ZNF655: variants seen among roughly 807,000 people sequenced by gnomAD.
The protein encoded by ZNF655 is zinc finger protein 655, also known as Vav-interacting Kruppel-like protein 1.
In ZNF655, 3 loss-of-function variants were observed where a neutral mutation model predicts 6.6. The ratio of observed to expected loss-of-function variants is 0.46; its 90% CI spans 0.21 to 1.18. The LOEUF (loss-of-function observed/expected upper bound fraction) is 1.18. Among genes scored for constraint, ZNF655 ranks in the 50% most tolerant of loss-of-function variants. ZNF655 has a pLI of 0.24. For missense variants in ZNF655, 526 were observed against 572.3 expected (o/e 0.92, Z 0.83); for synonymous variants, 178 against 195.0 (o/e 0.91, Z 0.73).
Position 99,563,475 on chromosome 7 carries a change from C to A in ZNF655, c.136+2780C>A, listed in dbSNP as rs183946280. ...CTGGGATTACAGGCATGGGCCACCA[C>A]GCCCGCCTAATTTTGTATTTTTAGT... On this transcript the variant is annotated intron_variant, in intron 2 of 2. Transcript: ENST00000252713. Among the ~76,000 whole-genome samples, 3 of 152,020 alleles carry A rather than the reference C, an allele frequency of 2.0e-5. No individual in the cohort carries two copies. The South Asian group carries it at 6.2e-4, about 32-fold the overall frequency.
Position 99,560,723 on chromosome 7 carries a change from G to A in ZNF655, c.136+28G>A, listed in dbSNP as rs1426842829. ...AAGGCAGAGAAAGCACTTCCGTCTG[G>A]GAGAGTGGGAGTGCGGAGGGGCTCC... On this transcript the variant is annotated intron_variant, in intron 2 of 2. Coordinates refer to ENST00000252713, the MANE Select transcript of ZNF655 (RefSeq NM_138494.3). 3 of 1,609,964 alleles carry A rather than the reference G, an allele frequency of 1.9e-6. No homozygotes were observed. The Admixed American group carries it at 5.0e-5, about 27-fold the overall frequency.
chr7:99,562,395 G>C (rs1803262172), intron 2 of ZNF655: 1 of 1,614,018 alleles, frequency 6.2e-7, no homozygotes, highest in South Asian at 1.1e-5. Flanking sequence ...GGATGTGGCT[G>C]TGCACCTTAC....
At chr7:99,570,823 C>A (rs1803996630) in intron 2 of ZNF655, 1 of 152,996 alleles carries the variant, frequency 6.5e-6, no homozygotes, top group South Asian at 2.0e-4. Context: ...GCTTTCTGGG[C>A]TGGACACATT....
chr7:99,560,790 G>A, intron 2 of ZNF655, 95 bp downstream of exon 2: 1 of 1,497,426 alleles, frequency 6.7e-7, no homozygotes, highest in East Asian at 2.3e-5. Flanking sequence ...GCCAAGAACT[G>A]GAATAAGAAC....
At chr7:99,561,678 A>C (rs1803185141) in intron 2 of ZNF655, among the ~76,000 whole-genome samples, 1 of 152,242 alleles carries the variant, frequency 6.6e-6, no homozygotes, top group Admixed American at 6.5e-5. Flanking sequence ...TTCCTAAGAA[A>C]ATCCTGTATC....
chr7:99,563,872 T>A (rs1803412418), intron 2 of ZNF655: 1 of 1,611,218 alleles, frequency 6.2e-7, no homozygotes, highest in African/African-American at 1.3e-5. Flanking sequence ...GGCATACTTC[T>A]CCGCCTTCCC....
chr7:99,561,620 T>G (rs1475359538), intron 2 of ZNF655, among the ~76,000 whole-genome samples: 2 of 152,216 alleles, frequency 1.3e-5, no homozygotes, highest in East Asian at 3.8e-4. Context: ...AGTCTTACTC[T>G]TCTGTAAGAG....
rs1258298208 is a variant in ZNF655, at chr7:99,576,104, G to T, written c.*2520G>T. ...CTCAACAAATATATAAAAATATGTTGCTCACTCTATAATCCTCCTATGGCT... is the reference window on the plus strand; with the variant it reads ...CTCAACAAATATATAAAAATATGTTTCTCACTCTATAATCCTCCTATGGCT... On this transcript the variant is annotated 3_prime_UTR_variant, in exon 3 of 3. Transcript: ENST00000252713. 1 of 152,158 alleles carries T rather than the reference G, an allele frequency of 6.6e-6. No individual in the cohort carries two copies. Among genetic ancestry groups the T allele is most frequent in the Non-Finnish European group, 1.5e-5 (1 of 68,018 alleles). 9.4% of individuals were successfully genotyped at this position (152,158 alleles called of 1,614,324 possible).
chr7:99,563,540 A>G (rs1803376649), intron 2 of ZNF655, among the ~76,000 whole-genome samples: 1 of 151,724 alleles, frequency 6.6e-6, no homozygotes, highest in African/African-American at 2.4e-5. Context: ...CTGATCTCGA[A>G]CTCTTGACCT....
At chr7:99,567,168 C>A (rs116729792) in intron 2 of ZNF655, among the ~76,000 whole-genome samples, 71 of 152,318 alleles carry the variant, frequency 4.7e-4, no homozygotes, top group African/African-American at 1.4e-3. Flanking sequence ...GTTCCACATC[C>A]AGCCTTAAAA....
At chr7:99,566,219 C>T (rs1803621711) in intron 2 of ZNF655, among the ~76,000 whole-genome samples, 1 of 152,146 alleles carries the variant, frequency 6.6e-6, no homozygotes, top group South Asian at 2.1e-4. Flanking sequence ...AGCCCCTGCA[C>T]TTTTTCACTA....
chr7:99,564,123 C>A, intron 2 of ZNF655: 1 of 1,516,324 alleles, frequency 6.6e-7, no homozygotes. Context: ...AAAATCGCAG[C>A]TCCTCAAATT....
chr7:99,563,235 C>A, intron 2 of ZNF655: 1 of 442,690 alleles, frequency 2.3e-6, no homozygotes, highest in Non-Finnish European at 4.6e-6. Context: ...TGCTGGGAAG[C>A]ATCAGTGGGG....
Position 99,572,747 on chromosome 7 carries a change from A to T in ZNF655, c.639A>T (p.Lys213Asn). ...TCCCTAACACTGAGAAATCCTATAA[A>T]TGTGATGTATGTGGGAAAATTTTCC... ...ESIPNTEKSY[K>N]CDVCGKIFHQ... The change falls in exon 3 of 3, where the codon AAA becomes AAT. Residue 213 changes from lysine to asparagine, a missense_variant. By Grantham distance (94) the Lys-to-Asn change is moderately conservative. Transcript: ENST00000252713. 6.2e-7 allele frequency: 1 copy of T among 1,613,156 alleles called. No homozygotes were observed. The highest frequency in any genetic ancestry group is 8.5e-7 in the Non-Finnish European group (1 of 1,179,888).
rs1401567624 is a variant in ZNF655 at position 99,562,226 on chromosome 7, G to A, written c.136+1531G>A. Reference sequence around the variant, plus strand: ...GCTTATTAGATGTTTAAGGGTTATGGGCTTTATTCCGTAGGTTCTAATCTG... The same window carrying A: ...GCTTATTAGATGTTTAAGGGTTATGAGCTTTATTCCGTAGGTTCTAATCTG... On this transcript the variant is annotated intron_variant, in intron 2 of 2. Transcript: ENST00000252713. The A allele has an allele frequency of 6.6e-6, 7 of 1,066,000 alleles. No individual in the cohort carries two copies. The East Asian group carries it at 1.0e-4, about 15-fold the overall frequency. The allele number at this position is 1,066,000 out of a possible 1,614,324, so 66.0% of individuals were successfully genotyped here.
In ZNF655 at chr7:99,573,103, G is replaced by A; in HGVS notation, c.995G>A (p.Cys332Tyr). 4 of 1,614,124 alleles carry A rather than the reference G, an allele frequency of 2.5e-6. No individual in the cohort carries two copies. Among genetic ancestry groups the A allele is most frequent in the Non-Finnish European group, 3.4e-6 (4 of 1,180,012 alleles). Residue 332 changes from cysteine (C) to tyrosine (Y), a missense_variant, in exon 3 of 3, where the codon TGT becomes TAT. Transcript: ENST00000252713. The part of the protein sequence containing the change: ...QKIHKEMPCK[C>Y]TVCGSDFCHT... ...ATTCACAAAGAGATGCCCTGTAAGT[G>A]TACTGTATGTGGCAGTGACTTCTGC... is the stretch of plus-strand genomic sequence containing the variant.
At chr7:99,571,212 T>G in intron 2 of ZNF655, 1 of 1,283,940 alleles carries the variant, frequency 7.8e-7, no homozygotes, top group Non-Finnish European at 1.0e-6. Context: ...TTTCTTGAGA[T>G]TGGTCCTTAG....
Position 99,571,663 on chromosome 7 carries a change from A to C in ZNF655, c.137-582A>C, listed in dbSNP as rs777612572. The C allele has an allele frequency of 1.9e-5, 30 of 1,560,902 alleles. No individual in the cohort carries two copies. In the South Asian group the frequency reaches 3.5e-4, roughly 18 times the overall value. On this transcript the variant is annotated intron_variant, in intron 2 of 2. Transcript: ENST00000252713. ...GTAGGACCTGGGGATACATTGCCAC[A>C]TCCCATTTCCTTCTCTATGAGCAGG... is the stretch of plus-strand genomic sequence containing the variant.
At chr7:99,569,039 C>T (rs184859795) in intron 2 of ZNF655, among the ~76,000 whole-genome samples, 1 of 152,268 alleles carries the variant, frequency 6.6e-6, no homozygotes, top group African/African-American at 2.4e-5. Context: ...TCCGTCATGG[C>T]CTCCCAAAGT....
Sources: allele counts gnomAD v4.1 joint callset (sites outside exome capture counted in the v4.1 genomes callset), GRCh38; gene constraint gnomAD v4.1.1; transcripts MANE v1.5; gene names NCBI Gene and HGNC (gene_info 2026-07-23, HGNC 2026-07-21).